GPC6: variants seen among roughly 807,000 people sequenced by gnomAD.
GPC6 encodes the protein glypican-6.
In GPC6, 14 loss-of-function variants were observed where a neutral mutation model predicts 55.2. The observed-to-expected ratio is 0.25, with a 90% CI of 0.17 to 0.40. The LOEUF (loss-of-function observed/expected upper bound fraction) is 0.40. GPC6 is among the 10% of genes least tolerant of loss of function. The pLI is 1.00. For synonymous variants in GPC6, 278 were observed against 259.6 expected (o/e 1.07, Z -0.68); for missense variants, 641 against 708.5 (o/e 0.90, Z 1.08).
intron 1 of GPC6, among the ~76,000 whole-genome samples, chr13:93,407,888 A>C (rs892561325): frequency 2.0e-5 from 3 of 152,178 alleles, no homozygotes; most frequent in African/African-American, 7.2e-5. Context: ...GTGGTAAACA[A>C]CTTTTCCCAT....
intron 3 of GPC6, among the ~76,000 whole-genome samples, chr13:93,897,044 ATG>A (rs1326044774): frequency 1.3e-5 from 2 of 148,738 alleles, no homozygotes; most frequent in Admixed American, 1.4e-4. Context: ...AGTATTAGCT[ATG>A]TGTGTGTGTA....
At chr13:94,094,360 G>T (rs180997067) in intron 4 of GPC6, among the ~76,000 whole-genome samples, 1 of 152,210 alleles carries the variant, frequency 6.6e-6, no homozygotes, top group Admixed American at 6.5e-5. Context: ...GTGAAGGAAG[G>T]TCTGTAATGG....
chr13:93,722,623 A>G (rs1883491071), intron 2 of GPC6, among the ~76,000 whole-genome samples: 1 of 151,914 alleles, frequency 6.6e-6, no homozygotes, highest in African/African-American at 2.4e-5. Flanking sequence ...TTTCTGACTT[A>G]CATATTGTAT....
At chr13:93,330,351 G>A (rs1401385087) in intron 1 of GPC6, among the ~76,000 whole-genome samples, 40 of 152,014 alleles carry the variant, frequency 2.6e-4, no homozygotes, top group Non-Finnish European at 8.8e-5. Flanking sequence ...ATGGCAAGAT[G>A]CCATCTCTAC....
At chr13:93,393,467 C>T (rs915935319) in intron 1 of GPC6, among the ~76,000 whole-genome samples, 13 of 151,948 alleles carry the variant, frequency 8.6e-5, no homozygotes, top group African/African-American at 2.2e-4. Context: ...TTTTGTGACC[C>T]GTTTGAGAAC....
At chr13:94,250,770 G>A (rs1357783682) in intron 4 of GPC6, among the ~76,000 whole-genome samples, 1 of 152,068 alleles carries the variant, frequency 6.6e-6, no homozygotes, top group African/African-American at 2.4e-5. Flanking sequence ...AACAAGATTG[G>A]CCGTGAGTGG....
chr13:93,854,275 C>T (rs969979226), intron 3 of GPC6, among the ~76,000 whole-genome samples: 2 of 151,732 alleles, frequency 1.3e-5, no homozygotes, highest in Admixed American at 6.6e-5. Context: ...TCCCATTTCT[C>T]GTTTGGAAAT....
chr13:94,041,199 G>C (rs1164279496), intron 4 of GPC6, among the ~76,000 whole-genome samples: 1 of 151,804 alleles, frequency 6.6e-6, no homozygotes, highest in Non-Finnish European at 1.5e-5. Context: ...AAATGATAAA[G>C]TATATGCCTC....
chr13:93,996,386 C>T (rs570079627), intron 3 of GPC6, among the ~76,000 whole-genome samples: 1 of 152,328 alleles, frequency 6.6e-6, no homozygotes, highest in Non-Finnish European at 1.5e-5. Context: ...TTATGTCACA[C>T]ACTGTCTTTG....
At chr13:94,192,541 T>C (rs1253394770) in intron 4 of GPC6, among the ~76,000 whole-genome samples, 2 of 152,170 alleles carry the variant, frequency 1.3e-5, no homozygotes, top group Non-Finnish European at 2.9e-5. Context: ...TTAGTCAACG[T>C]GCCAGTAAAA....
At chr13:94,080,951 T>C (rs541677572) in intron 4 of GPC6, among the ~76,000 whole-genome samples, 1 of 152,218 alleles carries the variant, frequency 6.6e-6, no homozygotes, top group Non-Finnish European at 1.5e-5. Context: ...ATGCCAAAGA[T>C]GTTCTTTTAG....
At chr13:94,209,735 A>G (rs1415790909) in intron 4 of GPC6, among the ~76,000 whole-genome samples, 1 of 152,214 alleles carries the variant, frequency 6.6e-6, no homozygotes, top group Non-Finnish European at 1.5e-5. Flanking sequence ...ATTTAGTGTT[A>G]GAAAATAAAT....
chr13:93,602,734 TA>T (rs1205140077), intron 2 of GPC6, among the ~76,000 whole-genome samples: 1 of 152,206 alleles, frequency 6.6e-6, no homozygotes, highest in African/African-American at 2.4e-5. Flanking sequence ...TATTTTATTT[TA>T]AAAACACTAT....
At chr13:93,221,745 C>G in the GPC6 span, among the ~76,000 whole-genome samples, 4 of 152,260 alleles carry the variant, frequency 2.6e-5, no homozygotes, top group Admixed American at 6.5e-5. Flanking sequence ...CCTGGCAGAG[C>G]TACTGTTGTT....
At chr13:93,943,977 C>A (rs994652547) in intron 3 of GPC6, among the ~76,000 whole-genome samples, 1 of 152,134 alleles carries the variant, frequency 6.6e-6, no homozygotes, top group African/African-American at 2.4e-5. Flanking sequence ...AGATCCCACA[C>A]CTGAACTCTC....
intron 4 of GPC6, among the ~76,000 whole-genome samples, chr13:94,210,790 C>G (rs1269383037): frequency 2.0e-5 from 3 of 152,286 alleles, no homozygotes; most frequent in African/African-American, 7.2e-5. Flanking sequence ...TACTTAAAAT[C>G]TAAATACCTT....
intron 1 of GPC6, among the ~76,000 whole-genome samples, chr13:93,428,167 T>C (rs926939305): frequency 9.8e-6 from 1 of 102,424 alleles, no homozygotes; most frequent in Non-Finnish European, 2.0e-5. Flanking sequence ...TTCCATTATT[T>C]TGATAAAAAA....
At chr13:93,698,485 C>CTTTTTT (rs57058820) in intron 2 of GPC6, among the ~76,000 whole-genome samples, 43 of 32,438 alleles carry the variant, frequency 1.3e-3, no homozygotes, top group East Asian at 4.4e-3. Context: ...CTGTGTGGGT[C>CTTTTTT]TTTTTTTTTT....
At chr13:93,703,498 C>T (rs1482657917) in intron 2 of GPC6, among the ~76,000 whole-genome samples, 1 of 151,864 alleles carries the variant, frequency 6.6e-6, no homozygotes, top group Admixed American at 6.6e-5. Context: ...TGCCACAAAC[C>T]TTAACTATGT....
Sources: gnomAD v4.1 joint callset for allele counts (sites outside exome capture counted in the v4.1 genomes callset) on GRCh38, gnomAD v4.1.1 for gene constraint, MANE v1.5 for transcripts, NCBI Gene and HGNC (gene_info 2026-07-23, HGNC 2026-07-21) for gene names.